The following RBFOX1 variants were observed in gnomAD, a reference collection of about 807,000 sequenced individuals.
The protein encoded by RBFOX1 is RNA binding fox-1 homolog 1, also known as RNA binding protein fox-1 homolog 1.
A neutral mutation model predicts 57.7 loss-of-function variants in RBFOX1; 8 were observed. That is an observed-to-expected ratio of 0.14 (90% CI 0.08 to 0.25). The LOEUF (loss-of-function observed/expected upper bound fraction) is 0.25, where lower values mean the gene tolerates loss of function less well. RBFOX1 is among the 10% of genes least tolerant of loss of function. The pLI is 1.00. For missense variants in RBFOX1, 611 were observed against 548.5 expected (o/e 1.11, Z -1.14); for synonymous variants, 326 against 222.4 (o/e 1.47, Z -4.15).
chr16:5,973,288 T>C (rs1255289818), intron 4 of RBFOX1, among the ~76,000 whole-genome samples: 4 of 152,190 alleles, frequency 2.6e-5, no homozygotes, highest in African/African-American at 9.6e-5. Context: ...TTAAACGTCA[T>C]ATGTCTTTGA....
At chr16:5,700,984 G>A (rs2051026012) in intron 3 of RBFOX1, among the ~76,000 whole-genome samples, 1 of 152,186 alleles carries the variant, frequency 6.6e-6, no homozygotes, top group African/African-American at 2.4e-5. Context: ...CCAAAAGGTA[G>A]AATGACACTG....
intron 3 of RBFOX1, among the ~76,000 whole-genome samples, chr16:5,618,970 A>C (rs1283476299): frequency 6.6e-6 from 1 of 152,142 alleles, no homozygotes; most frequent in East Asian, 1.9e-4. Flanking sequence ...GGCTCCTCCC[A>C]GCCGGCATCC....
At chr16:5,470,542 C>T (rs903697001) in intron 2 of RBFOX1, among the ~76,000 whole-genome samples, 2 of 152,148 alleles carry the variant, frequency 1.3e-5, no homozygotes, top group Admixed American at 6.5e-5. Flanking sequence ...TCAGGGCTGT[C>T]AAAGGCAACT....
chr16:7,079,527 G>C (rs1309712172), intron 4 of RBFOX1, among the ~76,000 whole-genome samples: 1 of 152,146 alleles, frequency 6.6e-6, no homozygotes, highest in Non-Finnish European at 1.5e-5. Context: ...AGTTCAGATT[G>C]TAAATTCTTG....
chr16:5,957,108 T>C (rs2059658764), intron 4 of RBFOX1, among the ~76,000 whole-genome samples: 1 of 152,268 alleles, frequency 6.6e-6, no homozygotes, highest in African/African-American at 2.4e-5. Context: ...AAGAGCCACT[T>C]ATTAAATGTT....
intron 3 of RBFOX1, among the ~76,000 whole-genome samples, chr16:6,830,875 C>A (rs1374607706): frequency 6.6e-6 from 1 of 152,134 alleles, no homozygotes; most frequent in Admixed American, 6.5e-5. Flanking sequence ...TAGTAACTCT[C>A]CCACCTCCTG....
chr16:7,615,272 G>A (rs925187362), intron 10 of RBFOX1, among the ~76,000 whole-genome samples: 1 of 152,114 alleles, frequency 6.6e-6, no homozygotes, highest in African/African-American at 2.4e-5. Context: ...GGCGGAGCTT[G>A]CAGTGAGCTG....
chr16:5,492,012 A>G (rs2042849764), intron 2 of RBFOX1, among the ~76,000 whole-genome samples: 1 of 152,098 alleles, frequency 6.6e-6, no homozygotes, highest in African/African-American at 2.4e-5. Flanking sequence ...AGAATTACAG[A>G]GTGTGGGCCC....
intron 1 of RBFOX1, among the ~76,000 whole-genome samples, chr16:6,182,645 T>G (rs1223480218): frequency 2.0e-5 from 3 of 152,190 alleles, no homozygotes; most frequent in Non-Finnish European, 4.4e-5. Context: ...TATAACACAT[T>G]GTGATTTTAA....
chr16:7,122,065 G>A (rs576184704), intron 4 of RBFOX1, among the ~76,000 whole-genome samples: 129 of 152,034 alleles, frequency 8.5e-4, no homozygotes, highest in African/African-American at 2.8e-3. Context: ...AAGAACACAT[G>A]GGTAAAATAT....
At chr16:5,320,040 G>A (rs920436057) in intron 1 of RBFOX1, among the ~76,000 whole-genome samples, 1 of 152,212 alleles carries the variant, frequency 6.6e-6, no homozygotes, top group African/African-American at 2.4e-5. Flanking sequence ...GTTTAGCTAT[G>A]TGCCCAGGAG....
At chr16:6,042,211 C>T (rs1469894283) in intron 1 of RBFOX1, among the ~76,000 whole-genome samples, 4 of 151,872 alleles carry the variant, frequency 2.6e-5, no homozygotes, top group Non-Finnish European at 5.9e-5. Flanking sequence ...AGTGGTTCTC[C>T]TGCCTCAGCC....
intron 3 of RBFOX1, among the ~76,000 whole-genome samples, chr16:6,855,516 G>A (rs1473660344): frequency 6.6e-6 from 1 of 151,886 alleles, no homozygotes; most frequent in African/African-American, 2.4e-5. Context: ...AGCTGGGGGC[G>A]ATGGCAGGTG....
chr16:6,643,230 A>G lies in RBFOX1; in HGVS notation c.-63-11373A>G, dbSNP rs951197666. The stretch of plus-strand genomic sequence containing the variant: ...CCTGATGAATTGGATACTCTTGCAT[A>G]GGACTTGGTGCTTTCGGTATTTTTT... On this transcript the variant is annotated intron_variant, in intron 2 of 15. Coordinates refer to ENST00000550418, the MANE Select transcript of RBFOX1 (RefSeq NM_018723.4). 2.0e-5 allele frequency among the ~76,000 whole-genome samples: 3 copies of G among 152,226 alleles called. No homozygotes were observed. In the East Asian group the frequency reaches 5.8e-4, roughly 29 times the overall value.
intron 3 of RBFOX1, among the ~76,000 whole-genome samples, chr16:6,682,173 T>G (rs988960405): frequency 6.6e-6 from 1 of 152,178 alleles, no homozygotes; most frequent in African/African-American, 2.4e-5. Flanking sequence ...ATTTCATCAT[T>G]TGTGCCCAAG....
chr16:5,624,233 C>T (rs537879523), intron 3 of RBFOX1, among the ~76,000 whole-genome samples: 3 of 152,310 alleles, frequency 2.0e-5, no homozygotes, highest in African/African-American at 2.4e-5. Flanking sequence ...CTCGCTCTGT[C>T]GCCCAGGCTA....
At chr16:6,012,460 T>A (rs940823969) in intron 4 of RBFOX1, among the ~76,000 whole-genome samples, 1 of 152,186 alleles carries the variant, frequency 6.6e-6, no homozygotes, top group Non-Finnish European at 1.5e-5. Flanking sequence ...TGTACACATT[T>A]GGGAGGAGTA....
rs150493618 is a variant in RBFOX1 at position 6,434,137 on chromosome 16, C to T, written c.-64+117080C>T. Among the ~76,000 whole-genome samples the T allele has an allele frequency of 3.3e-5, 5 of 152,188 alleles. No individual in the cohort carries two copies. The East Asian group carries it at 5.8e-4, about 18-fold the overall frequency. On this transcript the variant is annotated intron_variant, in intron 2 of 15. Coordinates refer to ENST00000550418, the MANE Select transcript of RBFOX1 (RefSeq NM_018723.4). Reference sequence around the variant, plus strand: ...TCTTGAGGTTACGGGTGTGAGCCACCGTGCCTGGTCACTTCTAAGGGCACT... The same window carrying T: ...TCTTGAGGTTACGGGTGTGAGCCACTGTGCCTGGTCACTTCTAAGGGCACT...
chr16:6,375,697 C>A (rs553797087), intron 2 of RBFOX1, among the ~76,000 whole-genome samples: 1 of 152,108 alleles, frequency 6.6e-6, no homozygotes, highest in East Asian at 1.9e-4. Flanking sequence ...CATCTCACAG[C>A]GGACCGTTGA....
Sources: gnomAD v4.1 joint callset for allele counts (sites outside exome capture counted in the v4.1 genomes callset) on GRCh38, gnomAD v4.1.1 for gene constraint, MANE v1.5 for transcripts, NCBI Gene and HGNC (gene_info 2026-07-23, HGNC 2026-07-21) for gene names.